The following FLT3LG variants were observed in gnomAD, a reference collection of about 807,000 sequenced individuals.
The protein encoded by FLT3LG is fms related receptor tyrosine kinase 3 ligand.
Under a neutral mutation model 30.9 loss-of-function variants are expected in FLT3LG, and 8 were observed. That is an observed-to-expected ratio of 0.26 (90% CI 0.15 to 0.47). The LOEUF is 0.47. FLT3LG is among the 20% of genes least tolerant of loss of function. The pLI, the probability that FLT3LG is intolerant of heterozygous loss-of-function variation, is 0.99. For missense variants in FLT3LG, 278 were observed against 306.2 expected, an observed-to-expected ratio of 0.91 and a Z score of 0.69; for synonymous variants, 123 against 135.9, an observed-to-expected ratio of 0.91 and a Z score of 0.66.
chr19:49,483,605 C>G (rs2079688849), intron 8 of FLT3LG, among the ~76,000 whole-genome samples: 1 of 151,674 alleles, frequency 6.6e-6, no homozygotes, highest in Non-Finnish European at 1.5e-5. Flanking sequence ...TGCCTGCAGT[C>G]CCAGCTACTT....
chr19:49,476,517 T>G lies in FLT3LG; in HGVS notation c.293T>G (p.Leu98Arg). 1 of 1,614,166 alleles carries G rather than the reference T, an allele frequency of 6.2e-7. No homozygotes were observed. Among genetic ancestry groups the G allele is most frequent in the Non-Finnish European group, 8.5e-7 (1 of 1,180,034 alleles). Residue 98 changes from leucine (L) to arginine (R), a missense_variant, in exon 5 of 9, where the codon CTG (leucine) becomes CGG (arginine). Around this residue, in one of 3 missense-constraint regions of FLT3LG, gnomAD observed 68 missense variants for 110.0 expected, o/e 0.62. Coordinates refer to ENST00000597551, the MANE Select transcript of FLT3LG (RefSeq NM_001459.4). This position sits in a 1 kb window ranked among gnomAD's most constrained non-coding sequence, Gnocchi z 5.3. The stretch of plus-strand genomic sequence containing the variant: ...GCTGGGTCCAAGATGCAAGGCTTGC[T>G]GGAGCGCGTGAACACGGAGATACAC... ...TVAGSKMQGL[L>R]ERVNTEIHFV...
rs760433482 is a variant in FLT3LG at position 49,479,021 on chromosome 19, G to A, written c.455G>A (p.Arg152Gln). Residue 152 changes from arginine to glutamine, a missense_variant, in exon 6 of 9, where the codon CGG becomes CAG. Coordinates refer to ENST00000597551, the MANE Select transcript of FLT3LG (RefSeq NM_001459.4). ...TGGATCACTCGCCAGAACTTCTCCC[G>A]GTGCCTGGAGCTGCAGTGTCAGCCC... ...KPWITRQNFS[R>Q]CLELQCQPDS... 6 of 1,607,844 alleles carry A rather than the reference G, an allele frequency of 3.7e-6. No individual in the cohort carries two copies. The South Asian group carries it at 5.6e-5, about 15-fold the overall frequency.
rs1333137384 is a variant in FLT3LG at position 49,480,637 on chromosome 19, C to A, written c.*21+17C>A. The A allele has an allele frequency of 5.6e-6, 9 of 1,595,490 alleles. No individual in the cohort carries two copies. The highest frequency in any genetic ancestry group is 7.7e-6 in the Non-Finnish European group (9 of 1,170,640). On this transcript the variant is annotated intron_variant, in intron 8 of 8. Coordinates refer to ENST00000597551, the MANE Select transcript of FLT3LG (RefSeq NM_001459.4). ...CTCATCCTGGTGAGTCCTTCCTGGG[C>A]TATGGGGCCTGGACTTTGTGTCTGC...
chr19:49,481,375 G>C (rs1326809020), intron 8 of FLT3LG: 2 of 152,538 alleles, frequency 1.3e-5, no homozygotes, highest in African/African-American at 4.8e-5. Flanking sequence ...GTGGGAGTTT[G>C]CAAGCCTCCT....
chr19:49,477,404 A>G (rs986530948), intron 5 of FLT3LG, among the ~76,000 whole-genome samples: 3 of 152,030 alleles, frequency 2.0e-5, no homozygotes, highest in African/African-American at 7.2e-5. Context: ...TGATTGGGCC[A>G]CTGCACTCCA....
At chr19:49,478,779 TA>T in intron 5 of FLT3LG, 129 bp from the exon 6 acceptor site, 2 of 814,522 alleles carry the variant, frequency 2.5e-6, no homozygotes, top group African/African-American at 3.6e-5. Flanking sequence ...ATTAATTAAA[TA>T]AATAAACTCT....
chr19:49,480,079 T>C (rs11878448), intron 6 of FLT3LG, among the ~76,000 whole-genome samples: 33,007 of 149,744 alleles, frequency 0.22, 6,197 homozygotes, highest in African/African-American at 0.52. Context: ...GCTGGGATTA[T>C]AGGCGTGAGC....
At chr19:49,475,095 G>T (rs1276103640) in intron 2 of FLT3LG, among the ~76,000 whole-genome samples, 2 of 94,426 alleles carry the variant, frequency 2.1e-5, no homozygotes, top group Non-Finnish European at 4.3e-5. Flanking sequence ...AGAGGAGGGG[G>T]TATGGACAGA....
chr19:49,484,678 G>C (rs1272322745), intron 8 of FLT3LG, among the ~76,000 whole-genome samples: 3 of 151,562 alleles, frequency 2.0e-5, no homozygotes, highest in Non-Finnish European at 4.4e-5. Flanking sequence ...TGTATTTTTA[G>C]TAGAGATGGG....
intron 1 of FLT3LG, 63 bp from the exon 2 acceptor site, chr19:49,474,540 G>C: frequency 8.0e-7 from 1 of 1,256,802 alleles, no homozygotes; most frequent in South Asian, 1.3e-5. Context: ...GGGAGGCAAA[G>C]GGGCGGGCAG....
chr19:49,476,830 A>G lies in FLT3LG; in HGVS notation c.342+264A>G, dbSNP rs2079410956. ...CCACTGAGGGGTTCTTCCCCCAAAAAAAAACAGGGAGAGAAGGGGTCTCTA... is the reference window on the plus strand; with the variant it reads ...CCACTGAGGGGTTCTTCCCCCAAAAGAAAACAGGGAGAGAAGGGGTCTCTA... On this transcript the variant is annotated intron_variant, in intron 5 of 8. Transcript: ENST00000597551. This position sits in a 1 kb window ranked among gnomAD's most constrained non-coding sequence, Gnocchi z 5.3. 9 of 430,536 alleles carry G rather than the reference A, an allele frequency of 2.1e-5. No individual in the cohort carries two copies. In the South Asian group the frequency reaches 2.2e-4, roughly 11 times the overall value. The allele number at this position is 430,536 out of a possible 1,614,324, so 26.7% of individuals were successfully genotyped here. A position where few individuals can be genotyped will look rare whatever the true frequency, so the allele number is the denominator to read the frequency against.
intron 6 of FLT3LG, among the ~76,000 whole-genome samples, chr19:49,479,295 T>G (rs561210698): frequency 2.0e-5 from 3 of 146,392 alleles, no homozygotes; most frequent in African/African-American, 7.6e-5. Context: ...CTCGGGTTCA[T>G]GCCATTCTCC....
intron 7 of FLT3LG, 33 bp downstream of exon 7, chr19:49,480,509 C>T (rs1014131873): frequency 2.2e-5 from 36 of 1,603,576 alleles, no homozygotes; most frequent in East Asian, 4.5e-5. Context: ...GTGAGGGGGC[C>T]GAGAGGGTGG....
At chr19:49,484,624 G>C (rs1203697305) in intron 8 of FLT3LG, among the ~76,000 whole-genome samples, 1 of 152,064 alleles carries the variant, frequency 6.6e-6, no homozygotes, top group East Asian at 2.0e-4. Flanking sequence ...AGCCTCCTGA[G>C]TAGCTGGGAT....
In FLT3LG at chr19:49,476,280, G is replaced by A. The variant is rs1396849216; in HGVS notation, c.198+82G>A. The A allele has an allele frequency of 1.2e-5, 17 of 1,447,960 alleles. No individual in the cohort carries two copies. The highest frequency in any genetic ancestry group is 1.6e-5 in the Non-Finnish European group (17 of 1,036,426). The allele number at this position is 1,447,960 out of a possible 1,614,324, so 89.7% of individuals were successfully genotyped here. ...TCCACCGAGGCGAGTGGATAACCAG[G>A]CCCTCCCCTCCCCAAACCCAGGAAT... On this transcript the variant is annotated intron_variant, in intron 4 of 8. Coordinates refer to ENST00000597551, the MANE Select transcript of FLT3LG (RefSeq NM_001459.4). This position sits in a 1 kb window ranked among gnomAD's most constrained non-coding sequence, Gnocchi z 5.3.
In FLT3LG at chr19:49,476,461, A is replaced by C; in HGVS notation, c.237A>C (p.Ala79=). 3 of 1,613,890 alleles carry C rather than the reference A, an allele frequency of 1.9e-6. No individual in the cohort carries two copies. In the South Asian group the frequency reaches 3.3e-5, roughly 18 times the overall value. ...GGGGCCTCTGGCGGCTGGTCCTGGC[A>C]CAGCGCTGGATGGAGCGGCTCAAGA... The part of the protein sequence containing the change: ...LCGGLWRLVL[A]QRWMERLKTV... The change falls in exon 5 of 9, where the codon GCA becomes GCC. Residue 79 remains alanine, a synonymous_variant. Coordinates refer to ENST00000597551, the MANE Select transcript of FLT3LG (RefSeq NM_001459.4). The surrounding 1 kb of genome is among the most constrained non-coding windows in gnomAD (Gnocchi z 5.3).
chr19:49,482,650 A>G (rs559561667), intron 8 of FLT3LG, among the ~76,000 whole-genome samples: 3 of 145,996 alleles, frequency 2.1e-5, no homozygotes, highest in East Asian at 4.1e-4. Context: ...TTTTCCTGAG[A>G]TGGAGTCTCA....
chr19:49,485,248 CTTT>C (rs55877586), intron 8 of FLT3LG, among the ~76,000 whole-genome samples: 2 of 121,844 alleles, frequency 1.6e-5, no homozygotes, highest in Admixed American at 8.1e-5. Context: ...TCTTTTTTTT[CTTT>C]TTTTTTTTTT....
At position 49,476,052 on chromosome 19, in the gene FLT3LG, CCTCT is replaced by C; in HGVS notation, c.145-86_145-83del. 7.1e-7 allele frequency: 1 copy of C among 1,416,738 alleles called. No individual in the cohort carries two copies. Among genetic ancestry groups the C allele is most frequent in the Non-Finnish European group, 1.0e-6 (1 of 1,002,990 alleles). The allele number at this position is 1,416,738 out of a possible 1,614,324, so 87.8% of individuals were successfully genotyped here. A position where few individuals can be genotyped will look rare whatever the true frequency, so the allele number is the denominator to read the frequency against. ...GGGCTCCCCCTCTCTTGGTCTTGTC[CCTCT>C]CTCTCTGGATCTCTGCTGCCACCTC... On this transcript the variant is annotated intron_variant, in intron 3 of 8. Coordinates refer to ENST00000597551, the MANE Select transcript of FLT3LG (RefSeq NM_001459.4). The surrounding 1 kb of genome is among the most constrained non-coding windows in gnomAD (Gnocchi z 5.3).
Sources: allele counts gnomAD v4.1 joint callset (sites outside exome capture counted in the v4.1 genomes callset), GRCh38; gene constraint gnomAD v4.1.1; regional missense constraint gnomAD v4.1.1; non-coding constraint Gnocchi (gnomAD v3.1); transcripts MANE v1.5; gene names NCBI Gene and HGNC (gene_info 2026-07-23, HGNC 2026-07-21).